The following CYP2J2 variants were observed in gnomAD, a reference collection of about 807,000 sequenced individuals.
CYP2J2 encodes the protein cytochrome P450 family 2 subfamily J member 2.
Under a neutral mutation model 48.8 loss-of-function variants are expected in CYP2J2, and 41 were observed. That is an observed-to-expected ratio of 0.84 (90% CI 0.66 to 1.09). CYP2J2 has a LOEUF of 1.09. CYP2J2 is among the 50% of genes least tolerant of loss of function. The pLI is 0.00. For synonymous variants in CYP2J2, 221 were observed against 227.1 expected (o/e 0.97, Z 0.24); for missense variants, 644 against 617.3 (o/e 1.04, Z -0.46).
chr1:59,957,777 C>T, the CYP2J2 span, among the ~76,000 whole-genome samples: 4 of 151,846 alleles, frequency 2.6e-5, no homozygotes, highest in African/African-American at 9.7e-5. Flanking sequence ...AAGTATTGAA[C>T]TCAATGAATA....
intron 1 of CYP2J2, among the ~76,000 whole-genome samples, chr1:59,917,973 C>T (rs930036396): frequency 6.6e-6 from 1 of 152,176 alleles, no homozygotes; most frequent in Non-Finnish European, 1.5e-5. Context: ...TCAGTCTTAT[C>T]CCACCACCTT....
At chr1:59,904,087 C>A (rs769205221) in intron 7 of CYP2J2, among the ~76,000 whole-genome samples, 1 of 152,070 alleles carries the variant, frequency 6.6e-6, no homozygotes, top group Non-Finnish European at 1.5e-5. Context: ...ATAAATTATA[C>A]ATCTGTCAGA....
In CYP2J2 at chr1:59,911,738, T is replaced by C. The variant is rs1336025539; in HGVS notation, c.554A>G (p.Asn185Ser). 1 of 1,613,434 alleles carries C rather than the reference T, an allele frequency of 6.2e-7. No individual in the cohort carries two copies. The highest frequency in any genetic ancestry group is 1.3e-5 in the African/African-American group (1 of 74,894). The change falls in exon 4 of 9, where the codon AAC becomes AGC. Residue 185 changes from asparagine (N) to serine (S), a missense_variant. By Grantham distance (46) the Asn-to-Ser change is conservative. Transcript: ENST00000371204. ...GCAAATGATATTGGAAACTGCATTG[T>C]TGATCTTGAAATGAGGGTCAAAAGG... is the stretch of plus-strand genomic sequence containing the variant. ...GQPFDPHFKI[N>S]NAVSNIICSI...
the CYP2J2 span, among the ~76,000 whole-genome samples, chr1:59,950,574 AAGG>A: frequency 6.6e-6 from 1 of 152,180 alleles, no homozygotes; most frequent in African/African-American, 2.4e-5. Flanking sequence ...GTAGTGAACA[AAGG>A]AGATAGTTAG....
rs1487576264 is a variant in CYP2J2, at chr1:59,912,306, T to C, written c.379A>G (p.Ile127Val). Residue 127 changes from isoleucine to valine, a missense_variant, in exon 3 of 9, where the codon ATT (isoleucine) becomes GTT (valine). Coordinates refer to ENST00000371204, the MANE Select transcript of CYP2J2 (RefSeq NM_000775.4). ...TTCCATGCCTGGCCACTTGACATAA[T>C]CAATCCTGGGAAAAAGAAAGTCAAC... ...REHIFKKNGL[I>V]MSSGQAWKEQ... is the part of the protein sequence containing the mutation. 2 of 1,611,870 alleles carry C rather than the reference T, an allele frequency of 1.2e-6. No individual in the cohort carries two copies. Among genetic ancestry groups the C allele is most frequent in the Non-Finnish European group, 1.7e-6 (2 of 1,179,224 alleles).
the CYP2J2 span, among the ~76,000 whole-genome samples, chr1:59,952,765 T>C: frequency 6.6e-6 from 1 of 152,158 alleles, no homozygotes; most frequent in African/African-American, 2.4e-5. Flanking sequence ...ATGTGTTGAG[T>C]CCTACTGTGC....
At chr1:59,967,205 A>G in the CYP2J2 span, among the ~76,000 whole-genome samples, 1 of 152,176 alleles carries the variant, frequency 6.6e-6, no homozygotes. Flanking sequence ...AGGAGCCACA[A>G]AGCCAGGAAC....
At chr1:59,912,431 T>C in intron 2 of CYP2J2, 120 bp from the exon 3 acceptor site, 1 of 1,071,526 alleles carries the variant, frequency 9.3e-7, no homozygotes, top group Non-Finnish European at 1.3e-6. Context: ...ACTTGAAAAC[T>C]GCCCAGAGAA....
At chr1:59,909,461 G>C (rs937042181) in intron 5 of CYP2J2, among the ~76,000 whole-genome samples, 9 of 152,222 alleles carry the variant, frequency 5.9e-5, no homozygotes, top group African/African-American at 1.7e-4. Context: ...AGATACCAGA[G>C]AGAAGAGAAG....
At chr1:59,902,135 C>T (rs1316261301) in intron 7 of CYP2J2, among the ~76,000 whole-genome samples, 2 of 152,196 alleles carry the variant, frequency 1.3e-5, no homozygotes, top group Non-Finnish European at 2.9e-5. Flanking sequence ...CTCCTCCCCA[C>T]TTTGTCATCA....
chr1:59,914,805 G>A (rs1328618254), intron 2 of CYP2J2, among the ~76,000 whole-genome samples: 1 of 152,196 alleles, frequency 6.6e-6, no homozygotes, highest in Non-Finnish European at 1.5e-5. Context: ...TCTGTGCTGG[G>A]GAGGATTAAT....
intron 7 of CYP2J2, among the ~76,000 whole-genome samples, chr1:59,903,392 T>C (rs1023384861): frequency 6.6e-6 from 1 of 152,184 alleles, no homozygotes; most frequent in African/African-American, 2.4e-5. Flanking sequence ...GAGTGGCGAA[T>C]GGAGTGACAT....
At chr1:59,954,204 C>T in the CYP2J2 span, among the ~76,000 whole-genome samples, 11 of 152,184 alleles carry the variant, frequency 7.2e-5, no homozygotes, top group South Asian at 4.2e-4. Flanking sequence ...ATGCAGTATA[C>T]GTAGAATGAA....
chr1:59,946,845 C>A, the CYP2J2 span, among the ~76,000 whole-genome samples: 1 of 151,972 alleles, frequency 6.6e-6, no homozygotes, highest in African/African-American at 2.4e-5. Flanking sequence ...AATTATAATA[C>A]CTAATGCATA....
intron 1 of CYP2J2, among the ~76,000 whole-genome samples, chr1:59,922,636 T>C (rs1450454108): frequency 6.6e-6 from 1 of 152,174 alleles, no homozygotes; most frequent in Non-Finnish European, 1.5e-5. Flanking sequence ...ATCTTAGGAA[T>C]ACAACAAAGG....
chr1:59,899,970 G>A (rs759299297), intron 8 of CYP2J2, among the ~76,000 whole-genome samples: 4 of 152,182 alleles, frequency 2.6e-5, no homozygotes, highest in Non-Finnish European at 4.4e-5. Context: ...ATATTAAGAA[G>A]TTTTGTTATT....
At chr1:59,913,878 C>A (rs1236403616) in intron 2 of CYP2J2, among the ~76,000 whole-genome samples, 2 of 152,204 alleles carry the variant, frequency 1.3e-5, no homozygotes, top group Non-Finnish European at 2.9e-5. Context: ...GTTAGGATAA[C>A]AACTAGTGTC....
At chr1:59,933,779 CTT>C in the CYP2J2 span, among the ~76,000 whole-genome samples, 1 of 152,212 alleles carries the variant, frequency 6.6e-6, no homozygotes, top group South Asian at 2.1e-4. Flanking sequence ...GATTGAAAGA[CTT>C]AATATTGTTA....
chr1:59,958,506 G>A, the CYP2J2 span, among the ~76,000 whole-genome samples: 1 of 145,228 alleles, frequency 6.9e-6, no homozygotes, highest in African/African-American at 2.8e-5. Flanking sequence ...CTGGAAGTGG[G>A]CAGGGGTCCT....
Sources: allele counts gnomAD v4.1 joint callset (sites outside exome capture counted in the v4.1 genomes callset), GRCh38; gene constraint gnomAD v4.1.1; transcripts MANE v1.5; gene names NCBI Gene and HGNC (gene_info 2026-07-23, HGNC 2026-07-21).